COPZ1: variants seen among roughly 807,000 people sequenced by gnomAD.
COPZ1 encodes the protein coatomer subunit zeta-1.
Under a neutral mutation model 31.7 loss-of-function variants are expected in COPZ1, and 4 were observed. That is an observed-to-expected ratio of 0.13 (90% CI 0.06 to 0.29). COPZ1 has a LOEUF of 0.29. Among genes scored for constraint, COPZ1 ranks in the 10% least tolerant of loss-of-function variants. COPZ1 has a pLI of 1.00. For synonymous variants in COPZ1, 74 were observed against 79.0 expected (o/e 0.94, Z 0.33); for missense variants, 156 against 211.5 (o/e 0.74, Z 1.63).
At chr12:54,342,869 T>G in intron 3 of COPZ1, among the ~76,000 whole-genome samples, 1 of 149,316 alleles carries the variant, frequency 6.7e-6, no homozygotes, top group Non-Finnish European at 1.5e-5. Flanking sequence ...TTTTTTTTTT[T>G]TTTTTGAGAC....
intron 7 of COPZ1, 114 bp from the exon 8 acceptor site, chr12:54,349,506 A>G: frequency 1.2e-6 from 1 of 856,538 alleles, no homozygotes; most frequent in Non-Finnish European, 2.0e-6. Context: ...AGTTCAGTGC[A>G]TCTGCCCTTT....
At chr12:54,350,287 T>C (rs777365037) in intron 8 of COPZ1, 189 bp from the exon 9 acceptor site, 2 of 748,636 alleles carry the variant, frequency 2.7e-6, no homozygotes, top group Non-Finnish European at 4.9e-6. Flanking sequence ...GGTTTGAATT[T>C]TTTTGGAATT....
chr12:54,325,182 GT>G lies in COPZ1; in HGVS notation c.18+2del. On this transcript the variant is annotated splice_donor_variant, in intron 1 of 8. Transcript: ENST00000262061. LOFTEE classifies it high-confidence loss of function. ...GGGCAAGATGGAGGCGCTGATTTTG[GT>G]AGGAGCTGGAGGGGCAGCAGAGATG... The G allele has an allele frequency of 6.4e-7, 1 of 1,560,782 alleles. No homozygotes were observed. The highest frequency in any genetic ancestry group is 8.7e-7 in the Non-Finnish European group (1 of 1,152,814).
At chr12:54,325,265 A>G (rs996266520) in intron 1 of COPZ1, 84 bp downstream of exon 1, 1 of 1,494,388 alleles carries the variant, frequency 6.7e-7, no homozygotes, top group African/African-American at 1.4e-5. Flanking sequence ...AGACGGGGAA[A>G]GAGAGTTCCG....
chr12:54,343,414 C>T, intron 4 of COPZ1, 98 bp downstream of exon 4: 1 of 985,424 alleles, frequency 1.0e-6, no homozygotes, highest in Middle Eastern at 2.1e-4. Context: ...AGCCGTGTTC[C>T]TCTGGCTTCT....
intron 3 of COPZ1, among the ~76,000 whole-genome samples, chr12:54,342,800 G>A (rs1168270356): frequency 6.6e-6 from 1 of 151,692 alleles, no homozygotes; most frequent in Non-Finnish European, 1.5e-5. Flanking sequence ...CATTACAGGC[G>A]GCCTCACCTT....
intron 4 of COPZ1, among the ~76,000 whole-genome samples, 161 bp from the exon 5 acceptor site, chr12:54,345,299 A>G (rs1362794860): frequency 1.3e-5 from 2 of 152,234 alleles, no homozygotes; most frequent in Admixed American, 6.5e-5. Flanking sequence ...GTGAGAAATC[A>G]CAGATCCTTT....
intron 1 of COPZ1, among the ~76,000 whole-genome samples, chr12:54,335,778 C>T (rs1294181889): frequency 6.6e-6 from 1 of 150,552 alleles, no homozygotes; most frequent in Non-Finnish European, 1.5e-5. Context: ...CTCAAGCGAT[C>T]CTCCTGCCTC....
At chr12:54,343,443 G>A in intron 4 of COPZ1, 127 bp downstream of exon 4, 1 of 735,600 alleles carries the variant, frequency 1.4e-6, no homozygotes, top group Non-Finnish European at 2.3e-6. Flanking sequence ...TAATGAAGTT[G>A]TCAGAGATCC....
intron 5 of COPZ1, among the ~76,000 whole-genome samples, chr12:54,345,889 G>A (rs1056697876): frequency 2.0e-5 from 3 of 151,390 alleles, no homozygotes; most frequent in African/African-American, 2.4e-5. Context: ...CCTGGGAGGC[G>A]GAGCTTGCAG....
chr12:54,339,982 T>TGC (rs1004131752), intron 1 of COPZ1, among the ~76,000 whole-genome samples: 6 of 49,522 alleles, frequency 1.2e-4, no homozygotes, highest in South Asian at 1.2e-3. Flanking sequence ...TGCCTGTGCG[T>TGC]GTGTGTGTGT....
intron 8 of COPZ1, chr12:54,350,233 T>C (rs1565598599): frequency 1.4e-6 from 1 of 700,202 alleles, no homozygotes; most frequent in Admixed American, 2.0e-5. Flanking sequence ...TTTTTTTTTT[T>C]CTTTTATACC....
At chr12:54,347,047 A>G (rs1165196310) in intron 5 of COPZ1, among the ~76,000 whole-genome samples, 3 of 152,218 alleles carry the variant, frequency 2.0e-5, no homozygotes, top group African/African-American at 7.2e-5. Context: ...AACCCAGTAC[A>G]GACAGCCATC....
In COPZ1 at chr12:54,349,781, C is replaced by T. The variant is rs116301862; in HGVS notation, c.486+123C>T. ...ACTCAAGACACATCTTCCTTGGCTC[C>T]CTCTTATTCCAGAGAACTGGGACTC... On this transcript the variant is annotated intron_variant, in intron 8 of 8. Coordinates refer to ENST00000262061, the MANE Select transcript of COPZ1 (RefSeq NM_016057.3). The T allele has an allele frequency of 8.9e-4, 765 of 861,890 alleles. 8 individuals carry two copies. In the African/African-American group the frequency reaches 0.011, roughly 13 times the overall value. The allele number at this position is 861,890 out of a possible 1,614,324, so 53.4% of individuals were successfully genotyped here. A position where few individuals can be genotyped will look rare whatever the true frequency, so the allele number is the denominator to read the frequency against.
intron 1 of COPZ1, among the ~76,000 whole-genome samples, chr12:54,328,016 T>C (rs562583351): frequency 1.3e-5 from 2 of 152,248 alleles, no homozygotes; most frequent in East Asian, 3.9e-4. Flanking sequence ...CTCATGCCTG[T>C]AATCCTAGCA....
intron 7 of COPZ1, 26 bp downstream of exon 7, chr12:54,348,077 TC>T: frequency 6.2e-7 from 1 of 1,612,386 alleles, no homozygotes; most frequent in Non-Finnish European, 8.5e-7. Context: ...TTTCTTTGCA[TC>T]CCCGCATCTA....
rs1165900486 is a variant in COPZ1, at chr12:54,345,699, C to CCT, written c.317+184_317+185insCT. Among the ~76,000 whole-genome samples, 50 of 152,074 alleles carry CCT rather than the reference C, an allele frequency of 3.3e-4. 1 individual carries two copies. The highest frequency in any genetic ancestry group is 1.2e-3 in the African/African-American group (50 of 41,500). On this transcript the variant is annotated intron_variant, in intron 5 of 8. Transcript: ENST00000262061. ...TTTGCCGGGCTCAGTGGCTCACGTT[C>CCT]GTAATCCCAGTACTTTGGGAGGCCA...
At chr12:54,349,720 T>G in intron 8 of COPZ1, 62 bp downstream of exon 8, 1 of 1,261,522 alleles carries the variant, frequency 7.9e-7, no homozygotes, top group Non-Finnish European at 1.2e-6. Flanking sequence ...AGAACAGCAT[T>G]CCACCCATAC....
At chr12:54,330,287 A>G (rs1053373709) in intron 1 of COPZ1, among the ~76,000 whole-genome samples, 2 of 152,130 alleles carry the variant, frequency 1.3e-5, no homozygotes, top group Admixed American at 6.6e-5. Context: ...TGACACTTCA[A>G]ATTAAATGAT....
Sources: gnomAD v4.1 joint callset for allele counts (sites outside exome capture counted in the v4.1 genomes callset) on GRCh38, gnomAD v4.1.1 for gene constraint, MANE v1.5 for transcripts, NCBI Gene and HGNC (gene_info 2026-07-23, HGNC 2026-07-21) for gene names.